The following ZNF461 variants were observed in gnomAD, a reference collection of about 807,000 sequenced individuals.
ZNF461 encodes the protein zinc finger protein 461.
In ZNF461, 16 loss-of-function variants were observed where a neutral mutation model predicts 18.3. That is an observed-to-expected ratio of 0.88 (90% CI 0.59 to 1.33). The LOEUF (loss-of-function observed/expected upper bound fraction) is 1.33, where lower values mean the gene tolerates loss of function less well. Among genes scored for constraint, ZNF461 ranks in the 40% most tolerant of loss-of-function variants. ZNF461 has a pLI of 0.00. For synonymous variants in ZNF461, 179 were observed against 216.9 expected (o/e 0.83, Z 1.54); for missense variants, 595 against 669.9 (o/e 0.89, Z 1.23).
chr19:36,649,970 T>C (rs931330204), intron 4 of ZNF461, among the ~76,000 whole-genome samples: 1 of 151,534 alleles, frequency 6.6e-6, no homozygotes, highest in Non-Finnish European at 1.5e-5. Context: ...AGGTCAGGAG[T>C]TTGAGACCAG....
chr19:36,656,631 A>C (rs2145405386), intron 3 of ZNF461, 88 bp from the exon 4 acceptor site: 1 of 1,072,616 alleles, frequency 9.3e-7, no homozygotes, highest in East Asian at 2.5e-5. Context: ...AAAATAAATC[A>C]CAGATAAAAA....
intron 1 of ZNF461, among the ~76,000 whole-genome samples, chr19:36,666,252 A>C (rs1479815545): frequency 2.0e-5 from 3 of 151,628 alleles, no homozygotes; most frequent in Non-Finnish European, 4.4e-5. Flanking sequence ...GCACCACCAT[A>C]CCCGGCTAAT....
At chr19:36,645,034 C>T (rs2037499510) in intron 4 of ZNF461, 2 of 152,230 alleles carry the variant, frequency 1.3e-5, no homozygotes, top group Admixed American at 1.3e-4. Flanking sequence ...GCCTGGACAA[C>T]ATAGTGAGAC....
chr19:36,639,304 G>A lies in ZNF461; in HGVS notation c.1041C>T (p.His347=), dbSNP rs2145358874. Residue 347 remains histidine, a synonymous_variant, in exon 6 of 6, where the codon CAC becomes CAT. Coordinates refer to ENST00000588268, the MANE Select transcript of ZNF461 (RefSeq NM_153257.5). ...AFIRGFQLTE[H]LRLHTGEKPY... ...GTTTCTCTCCAGTATGGAGTCGCAGGTGTTCAGTAAGTTGAAAGCCACGAA... is the reference window on the plus strand; with the variant it reads ...GTTTCTCTCCAGTATGGAGTCGCAGATGTTCAGTAAGTTGAAAGCCACGAA... The A allele has an allele frequency of 3.1e-6, 5 of 1,613,192 alleles. No homozygotes were observed. The highest frequency in any genetic ancestry group is 3.4e-6 in the Non-Finnish European group (4 of 1,179,834).
At chr19:36,661,112 CA>C (rs1216750348) in intron 2 of ZNF461, among the ~76,000 whole-genome samples, 1 of 151,812 alleles carries the variant, frequency 6.6e-6, no homozygotes, top group Non-Finnish European at 1.5e-5. Context: ...CGCATCTCTA[CA>C]AAAAAATTTA....
At chr19:36,659,748 G>GAATTAATATT (rs1285672446) in intron 2 of ZNF461, among the ~76,000 whole-genome samples, 5 of 152,152 alleles carry the variant, frequency 3.3e-5, no homozygotes, top group Non-Finnish European at 7.3e-5. Flanking sequence ...TGTTCCCAAA[G>GAATTAATATT]AATATTAATG....
At chr19:36,664,652 C>A in intron 2 of ZNF461, 46 bp downstream of exon 2, 5 of 1,445,666 alleles carry the variant, frequency 3.5e-6, no homozygotes, top group Admixed American at 2.6e-5. Context: ...AACAAACAAA[C>A]AAAAAATCAA....
intron 4 of ZNF461, among the ~76,000 whole-genome samples, chr19:36,646,207 T>C (rs2037524873): frequency 6.6e-6 from 1 of 151,756 alleles, no homozygotes; most frequent in South Asian, 2.1e-4. Flanking sequence ...CTCAGCTCAC[T>C]GCAACTTCCG....
chr19:36,640,043 T>C lies in ZNF461; in HGVS notation c.302A>G (p.Asp101Gly). ...DNNEATDINADLASRDEPQKL... is the reference protein window; with the variant it reads ...DNNEATDINAGLASRDEPQKL... ...CTGGGGCTCATCTCTGGATGCCAAG[T>C]CTGAAAGATAAGAAATATATTTTAA... Residue 101 changes from aspartate to glycine, a missense_variant and splice_region_variant, in exon 6 of 6, where the codon GAC (aspartate) becomes GGC (glycine). Physicochemically the swap from Asp to Gly is moderately conservative, Grantham distance 94. Coordinates refer to ENST00000588268, the MANE Select transcript of ZNF461 (RefSeq NM_153257.5). 1 of 1,596,030 alleles carries C rather than the reference T, an allele frequency of 6.3e-7. No homozygotes were observed. Among genetic ancestry groups the C allele is most frequent in the Non-Finnish European group, 8.5e-7 (1 of 1,172,098 alleles).
chr19:36,664,772 C>A lies in ZNF461; in HGVS notation c.-66G>T. Reference sequence around the variant, plus strand: ...TCGTTCCCTCTGGAAGAAACTCAATCCAAAGAAGGTGTTGCTGGGAGAGAG... The same window carrying A: ...TCGTTCCCTCTGGAAGAAACTCAATACAAAGAAGGTGTTGCTGGGAGAGAG... On this transcript the variant is annotated 5_prime_UTR_variant, in exon 2 of 6. Coordinates refer to ENST00000588268, the MANE Select transcript of ZNF461 (RefSeq NM_153257.5). 7.8e-7 allele frequency: 1 copy of A among 1,279,910 alleles called. No homozygotes were observed. Among genetic ancestry groups the A allele is most frequent in the South Asian group, 2.0e-5 (1 of 49,080 alleles). 79.3% of individuals were successfully genotyped at this position (1,279,910 alleles called of 1,614,324 possible).
chr19:36,643,611 A>C (rs1472215449), intron 5 of ZNF461, 183 bp downstream of exon 5: 2 of 428,212 alleles, frequency 4.7e-6, no homozygotes, highest in East Asian at 8.8e-5. Context: ...AGATTCTGAG[A>C]GACTACTAGA....
intron 5 of ZNF461, among the ~76,000 whole-genome samples, chr19:36,641,821 A>G (rs59951429): frequency 0.038 from 5,855 of 152,146 alleles, 374 homozygotes; most frequent in African/African-American, 0.13. Flanking sequence ...TTATATATAA[A>G]CACATACATA....
chr19:36,649,204 A>C (rs2037582076), intron 4 of ZNF461, among the ~76,000 whole-genome samples: 1 of 152,254 alleles, frequency 6.6e-6, no homozygotes, highest in African/African-American at 2.4e-5. Flanking sequence ...AGAAAAGGCA[A>C]TCAACTAATG....
At chr19:36,666,172 G>A (rs1247827946) in intron 1 of ZNF461, among the ~76,000 whole-genome samples, 1 of 151,238 alleles carries the variant, frequency 6.6e-6, no homozygotes, top group Non-Finnish European at 1.5e-5. Flanking sequence ...TCGGCTCACA[G>A]CAACCTCCGC....
chr19:36,648,715 G>A (rs190226724), intron 4 of ZNF461, among the ~76,000 whole-genome samples: 57 of 152,236 alleles, frequency 3.7e-4, no homozygotes, highest in African/African-American at 1.3e-3. Flanking sequence ...AAGTACCTGG[G>A]ACTACAGGTG....
chr19:36,658,271 C>T (rs1250950812), intron 3 of ZNF461, 28 bp downstream of exon 3: 2 of 1,587,456 alleles, frequency 1.3e-6, no homozygotes, highest in Non-Finnish European at 1.7e-6. Context: ...TCTGAATTGT[C>T]AGGTTCTTAA....
In ZNF461 at chr19:36,643,789, T is replaced by C. The variant is rs1397817051; in HGVS notation, c.301+5A>G. 2 of 1,528,086 alleles carry C rather than the reference T, an allele frequency of 1.3e-6. No individual in the cohort carries two copies. The highest frequency in any genetic ancestry group is 8.8e-7 in the Non-Finnish European group (1 of 1,137,764). 94.7% of individuals were successfully genotyped at this position (1,528,086 alleles called of 1,614,324 possible). The stretch of plus-strand genomic sequence containing the variant: ...TGTACTCTTAAAAACTGTATTTATT[T>C]ATACCTGCATTTATGTCTGTAGCCT... On this transcript the variant is annotated splice_donor_5th_base_variant and intron_variant, in intron 5 of 5. Coordinates refer to ENST00000588268, the MANE Select transcript of ZNF461 (RefSeq NM_153257.5).
chr19:36,664,521 G>C (rs893231878), intron 2 of ZNF461, among the ~76,000 whole-genome samples, 177 bp downstream of exon 2: 2 of 151,786 alleles, frequency 1.3e-5, no homozygotes, highest in African/African-American at 4.8e-5. Context: ...CTGGGAGGTG[G>C]AGGCTGCAGT....
intron 4 of ZNF461, among the ~76,000 whole-genome samples, chr19:36,644,570 G>GT (rs1319691322): frequency 7.6e-5 from 11 of 145,556 alleles, no homozygotes; most frequent in Non-Finnish European, 1.5e-4. Context: ...CGCCCAGCCA[G>GT]TTTTTTGTGT....
Sources: gnomAD v4.1 joint callset for allele counts (sites outside exome capture counted in the v4.1 genomes callset) on GRCh38, gnomAD v4.1.1 for gene constraint, MANE v1.5 for transcripts, NCBI Gene and HGNC (gene_info 2026-07-23, HGNC 2026-07-21) for gene names.